Variants in CFAP57 observed in about 807,000 individuals in gnomAD.
CFAP57 encodes the protein cilia and flagella associated protein 57, also known as cilia- and flagella-associated protein 57.
CFAP57 carries 116 observed loss-of-function variants against 146.8 expected under a neutral mutation model. That is an observed-to-expected ratio of 0.79 (90% CI 0.68 to 0.92). The LOEUF (loss-of-function observed/expected upper bound fraction) is 0.92, where lower values mean the gene tolerates loss of function less well. CFAP57 is among the 40% of genes least tolerant of loss of function. The pLI, the probability that CFAP57 is intolerant of heterozygous loss-of-function variation, is 0.00. For missense variants in CFAP57, 1,377 were observed against 1,527.2 expected (o/e 0.90, Z 1.64); for synonymous variants, 518 against 552.8 (o/e 0.94, Z 0.88).
chr1:43,187,764 G>A (rs867370969), intron 6 of CFAP57, among the ~76,000 whole-genome samples: 7 of 152,030 alleles, frequency 4.6e-5, no homozygotes, highest in Non-Finnish European at 7.4e-5. Flanking sequence ...ATCATAAAAC[G>A]TGTGGACTTT....
intron 6 of CFAP57, among the ~76,000 whole-genome samples, chr1:43,192,300 C>T (rs1643585474): frequency 6.6e-6 from 1 of 152,104 alleles, no homozygotes; most frequent in African/African-American, 2.4e-5. Context: ...TCATCTTCTG[C>T]CTACTTGTCT....
intron 22 of CFAP57, among the ~76,000 whole-genome samples, chr1:43,248,146 A>G (rs1355272248): frequency 1.3e-5 from 2 of 150,772 alleles, no homozygotes; most frequent in African/African-American, 4.9e-5. Flanking sequence ...CTCAAAAAAA[A>G]AAAAAAAAAA....
intron 6 of CFAP57, among the ~76,000 whole-genome samples, chr1:43,195,574 T>C (rs909340739): frequency 4.0e-5 from 6 of 151,826 alleles, no homozygotes; most frequent in Non-Finnish European, 8.8e-5. Context: ...CCATAGTGTT[T>C]GTAGCAATGG....
chr1:43,218,259 G>A (rs1253038766), intron 12 of CFAP57, among the ~76,000 whole-genome samples: 1 of 152,190 alleles, frequency 6.6e-6, no homozygotes, highest in East Asian at 1.9e-4. Context: ...TGAAGGGTGT[G>A]TGTATTATAG....
intron 4 of CFAP57, chr1:43,184,945 C>A (rs1055610185): frequency 3.4e-6 from 2 of 596,324 alleles, no homozygotes; most frequent in African/African-American, 3.7e-5. Flanking sequence ...ACTCCACACG[C>A]CCCAAGCACT....
Position 43,186,689 on chromosome 1 carries a change from G to A in CFAP57, c.970-18G>A, listed in dbSNP as rs373286909. 4.2e-4 allele frequency: 683 copies of A among 1,612,758 alleles called. No individual in the cohort carries two copies. Among genetic ancestry groups the A allele is most frequent in the Non-Finnish European group, 5.6e-4 (661 of 1,179,578 alleles). Reference sequence around the variant, plus strand: ...CAACGTGGGGACATTACTGATAGCTGTTTTGCATTTTGGGCAGATTCCTGT... The same window carrying A: ...CAACGTGGGGACATTACTGATAGCTATTTTGCATTTTGGGCAGATTCCTGT... On this transcript the variant is annotated intron_variant, in intron 5 of 22. Coordinates refer to ENST00000372492, the MANE Select transcript of CFAP57 (RefSeq NM_001378189.1).
intron 6 of CFAP57, among the ~76,000 whole-genome samples, chr1:43,192,851 C>T (rs562453019): frequency 1.3e-4 from 20 of 151,806 alleles, no homozygotes; most frequent in Admixed American, 2.0e-4. Context: ...TGCTAGAACC[C>T]GGGAGGTGGA....
intron 9 of CFAP57, among the ~76,000 whole-genome samples, chr1:43,200,487 G>GAAAA (rs527330489): frequency 1.5e-5 from 2 of 129,434 alleles, no homozygotes; most frequent in African/African-American, 6.0e-5. Flanking sequence ...GACCCTGTCT[G>GAAAA]AAAAAAAAAA....
rs773597866 is a variant in CFAP57, at chr1:43,198,579, G to A, written c.1361G>A (p.Arg454His). Residue 454 changes from arginine to histidine, a missense_variant, in exon 8 of 23, where the codon CGC becomes CAC. Transcript: ENST00000372492. ...FIVVGFADKL[R>H]LMNLLIDDIR... is the part of the protein sequence containing the mutation. ...GTAGTAGGGTTTGCTGACAAACTAC[G>A]CCTCATGAATCTACTCATTGATGAT... 2.3e-5 allele frequency: 37 copies of A among 1,613,884 alleles called. 1 individual carries two copies. Among genetic ancestry groups the A allele is most frequent in the South Asian group, 8.8e-5 (8 of 91,084 alleles).
At position 43,243,357 on chromosome 1, in the gene CFAP57, C is replaced by T. The variant is rs1645997453; in HGVS notation, c.3536C>T (p.Thr1179Ile). The T allele has an allele frequency of 1.3e-6, 2 of 1,532,692 alleles. No homozygotes were observed. Among genetic ancestry groups the T allele is most frequent in the Admixed American group, 4.0e-5 (2 of 49,464 alleles). 94.9% of individuals were successfully genotyped at this position (1,532,692 alleles called of 1,614,324 possible). The change falls in exon 22 of 23, where the codon ACA becomes ATA. Residue 1179 changes from threonine (T) to isoleucine (I), a missense_variant and splice_region_variant. By Grantham distance (89) the Thr-to-Ile change is moderately conservative (BLOSUM62 -1). Coordinates refer to ENST00000372492, the MANE Select transcript of CFAP57 (RefSeq NM_001378189.1). ...KKVRPQEVSE[T>I]EPSRDMLSTA... ...GTCCGACCACAAGAAGTTTCAGAGA[C>T]AGGTAATATCACCAGTGGCCAGGGG... is the stretch of plus-strand genomic sequence containing the variant.
intron 18 of CFAP57, among the ~76,000 whole-genome samples, chr1:43,228,888 C>A (rs1387947270): frequency 1.3e-5 from 2 of 149,130 alleles, no homozygotes; most frequent in Admixed American, 1.3e-4. Context: ...TATGTGTCCT[C>A]ATGTGATGGG....
intron 21 of CFAP57, among the ~76,000 whole-genome samples, chr1:43,241,239 G>A (rs1263496456): frequency 6.6e-6 from 1 of 152,170 alleles, no homozygotes; most frequent in Non-Finnish European, 1.5e-5. Flanking sequence ...CTGCTCCCAT[G>A]ACCCAAATAC....
At position 43,223,808 on chromosome 1, in the gene CFAP57, G is replaced by C. The variant is rs76214395; in HGVS notation, c.2707-238G>C. ...AAGACAGTCAGTCCTCTCATATGGA[G>C]AATGGGCCTGGATGTTATGGGACAG... On this transcript the variant is annotated intron_variant, in intron 16 of 22. Coordinates refer to ENST00000372492, the MANE Select transcript of CFAP57 (RefSeq NM_001378189.1). 5.3e-5 allele frequency among the ~76,000 whole-genome samples: 8 copies of C among 152,338 alleles called. No homozygotes were observed. In the East Asian group the frequency reaches 1.5e-3, roughly 29 times the overall value.
In CFAP57 at chr1:43,172,397, C is replaced by G; in HGVS notation, c.-76C>G. ...AAAGTGTCCGGGTTGCTTAGGATCC[C>G]TACAGGTAGCGCCTCTGGATACATG... is the stretch of plus-strand genomic sequence containing the variant. On this transcript the variant is annotated 5_prime_UTR_variant, in exon 1 of 23. Transcript: ENST00000372492. The G allele has an allele frequency of 6.4e-7, 1 of 1,551,436 alleles. No homozygotes were observed. Among genetic ancestry groups the G allele is most frequent in the Non-Finnish European group, 8.7e-7 (1 of 1,146,948 alleles).
intron 11 of CFAP57, among the ~76,000 whole-genome samples, chr1:43,213,162 A>C (rs1314094265): frequency 6.6e-6 from 1 of 151,938 alleles, no homozygotes; most frequent in Non-Finnish European, 1.5e-5. Context: ...ATCTCCGCTC[A>C]CTGCAACCAC....
rs555504406 is a variant in CFAP57, at chr1:43,183,930, A to T, written c.761+53A>T. The T allele has an allele frequency of 7.3e-5, 117 of 1,609,196 alleles. 1 individual carries two copies. The South Asian group carries it at 1.1e-3, about 16-fold the overall frequency. ...CCACATTCATTGTACTGACAGCATT[A>T]TGCAGAAGACAGCACTCTTTAGAAA... On this transcript the variant is annotated intron_variant, in intron 4 of 22. Coordinates refer to ENST00000372492, the MANE Select transcript of CFAP57 (RefSeq NM_001378189.1).
chr1:43,227,149 C>G (rs1570243385), intron 18 of CFAP57, 23 bp downstream of exon 18: 19 of 1,509,362 alleles, frequency 1.3e-5, no homozygotes, highest in East Asian at 5.0e-5. Context: ...TTGCAACACT[C>G]TGGCCTCTCA....
chr1:43,219,404 A>G lies in CFAP57; in HGVS notation c.2114A>G (p.Lys705Arg). ...EEKAQVMLEL[K>R]TRVEELKMEN... ...AAGGCTCAGGTTATGTTGGAGCTAAAGACTCGTGTGGAGGAATTAAAAATG... is the reference window on the plus strand; with the variant it reads ...AAGGCTCAGGTTATGTTGGAGCTAAGGACTCGTGTGGAGGAATTAAAAATG... Residue 705 changes from lysine to arginine, a missense_variant, in exon 13 of 23, where the codon AAG (lysine) becomes AGG (arginine). By Grantham distance (26) the Lys-to-Arg change is conservative. Coordinates refer to ENST00000372492, the MANE Select transcript of CFAP57 (RefSeq NM_001378189.1). 6.4e-7 allele frequency: 1 copy of G among 1,550,658 alleles called. No homozygotes were observed. The highest frequency in any genetic ancestry group is 1.2e-5 in the South Asian group (1 of 84,024).
Position 43,243,218 on chromosome 1 carries a change from T to C in CFAP57, c.3406-9T>C. On this transcript the variant is annotated splice_polypyrimidine_tract_variant and intron_variant, in intron 21 of 22. Coordinates refer to ENST00000372492, the MANE Select transcript of CFAP57 (RefSeq NM_001378189.1). ...TCCACCCTCCCTCTCTCTTCCCCCT[T>C]TTCTGCAGGAAAATGTCTCTCTGAT... The C allele has an allele frequency of 6.5e-7, 1 of 1,549,524 alleles. No homozygotes were observed. Among genetic ancestry groups the C allele is most frequent in the South Asian group, 1.2e-5 (1 of 83,856 alleles).
Sources: gnomAD v4.1 joint callset for allele counts (sites outside exome capture counted in the v4.1 genomes callset) on GRCh38, gnomAD v4.1.1 for gene constraint, MANE v1.5 for transcripts, NCBI Gene and HGNC (gene_info 2026-07-23, HGNC 2026-07-21) for gene names.